Variants in LCN15 observed in about 807,000 individuals in gnomAD.
LCN15 encodes the protein lipocalin-15.
In LCN15, 26 loss-of-function variants were observed where a neutral mutation model predicts 23.1. The ratio of observed to expected loss-of-function variants is 1.13; its 90% CI spans 0.82 to 1.56. The LOEUF (loss-of-function observed/expected upper bound fraction) is 1.56, where lower values mean the gene tolerates loss of function less well. Among genes scored for constraint, LCN15 ranks in the 40% most tolerant of loss-of-function variants. The pLI, the probability that LCN15 is intolerant of heterozygous loss-of-function variation, is 0.00. For missense variants in LCN15, 241 were observed against 239.5 expected, an observed-to-expected ratio of 1.01 and a Z score of -0.04; for synonymous variants, 107 against 98.3, an observed-to-expected ratio of 1.09 and a Z score of -0.52.
rs1271550265 is a variant in LCN15 at position 136,761,405 on chromosome 9, T to C, written c.*32+382A>G. On this transcript the variant is annotated intron_variant, in intron 6 of 6. Transcript: ENST00000316144. The surrounding 1 kb of genome is among the most constrained non-coding windows in gnomAD (Gnocchi z 4.2). Reference sequence around the variant, plus strand: ...CCTCACAAGTAGCTGAGATTACAGGTGTGCACCACCACGCCCAGCTAAGTT... The same window carrying C: ...CCTCACAAGTAGCTGAGATTACAGGCGTGCACCACCACGCCCAGCTAAGTT... Among the ~76,000 whole-genome samples, 1 of 152,124 alleles carries C rather than the reference T, an allele frequency of 6.6e-6. No individual in the cohort carries two copies. Among genetic ancestry groups the C allele is most frequent in the Non-Finnish European group, 1.5e-5 (1 of 68,002 alleles).
intron 4 of LCN15, among the ~76,000 whole-genome samples, chr9:136,763,133 G>A (rs897515109): frequency 1.3e-5 from 2 of 151,508 alleles, no homozygotes; most frequent in Non-Finnish European, 2.9e-5. Flanking sequence ...TGTGCGAAGG[G>A]TCACAGCAGG....
chr9:136,763,780 C>T lies in LCN15; in HGVS notation c.240G>A (p.Ala80=), dbSNP rs149427970. 6.6e-5 allele frequency: 107 copies of T among 1,613,470 alleles called. No individual in the cohort carries two copies. The African/African-American group carries it at 1.0e-3, about 15-fold the overall frequency. ...CGGCATCCACCTGGTTACAGCCGTC[C>T]GCCCTGGGGGTGCACAGCCGGCTCA... is the stretch of plus-strand genomic sequence containing the variant. ...GLHVHMEFPG[A]DGCNQVDAEY... Residue 80 remains alanine, a synonymous_variant, in exon 3 of 7, where the codon GCG becomes GCA. Transcript: ENST00000316144.
chr9:136,763,776 C>T lies in LCN15; in HGVS notation c.244G>A (p.Gly82Ser). ...HVHMEFPGADGCNQVDAEYLK... is the reference protein window; with the variant it reads ...HVHMEFPGADSCNQVDAEYLK... Reference sequence around the variant, plus strand: ...TACTCGGCATCCACCTGGTTACAGCCGTCCGCCCTGGGGGTGCACAGCCGG... The same window carrying T: ...TACTCGGCATCCACCTGGTTACAGCTGTCCGCCCTGGGGGTGCACAGCCGG... Residue 82 changes from glycine to serine, a missense_variant, in exon 3 of 7, where the codon GGC (glycine) becomes AGC (serine). Transcript: ENST00000316144. 2.5e-6 allele frequency: 4 copies of T among 1,613,492 alleles called. No homozygotes were observed. Among genetic ancestry groups the T allele is most frequent in the Non-Finnish European group, 3.4e-6 (4 of 1,179,994 alleles).
Position 136,761,152 on chromosome 9 carries a change from G to C in LCN15, c.*32+635C>G, listed in dbSNP as rs1014196555. Among the ~76,000 whole-genome samples the C allele has an allele frequency of 1.3e-5, 2 of 152,192 alleles. No homozygotes were observed. Among genetic ancestry groups the C allele is most frequent in the African/African-American group, 4.8e-5 (2 of 41,426 alleles). On this transcript the variant is annotated intron_variant, in intron 6 of 6. Coordinates refer to ENST00000316144, the MANE Select transcript of LCN15 (RefSeq NM_203347.2). The surrounding 1 kb of genome is among the most constrained non-coding windows in gnomAD (Gnocchi z 4.2). ...AAGCGGCAGCCGTGGGAGCTGGGGGGGCGGTGTGGGAGGGAGTCTCCTTCA... is the reference window on the plus strand; with the variant it reads ...AAGCGGCAGCCGTGGGAGCTGGGGGCGCGGTGTGGGAGGGAGTCTCCTTCA...
intron 6 of LCN15, among the ~76,000 whole-genome samples, chr9:136,760,030 C>T (rs1175049866): frequency 1.3e-5 from 2 of 152,252 alleles, no homozygotes; most frequent in African/African-American, 4.8e-5. Flanking sequence ...CGGGAGGACC[C>T]AGTGCCATGC....
At chr9:136,760,317 G>A (rs1370850980) in intron 6 of LCN15, among the ~76,000 whole-genome samples, 3 of 152,238 alleles carry the variant, frequency 2.0e-5, no homozygotes, top group African/African-American at 4.8e-5. Flanking sequence ...GGGGTGTGCA[G>A]GGAGACGTTG....
chr9:136,763,393 G>T lies in LCN15; in HGVS notation c.382C>A (p.Leu128Met), dbSNP rs1360627490. 2 of 1,606,460 alleles carry T rather than the reference G, an allele frequency of 1.2e-6. No homozygotes were observed. The highest frequency in any genetic ancestry group is 2.7e-5 in the African/African-American group (2 of 74,932). Residue 128 changes from leucine to methionine, a missense_variant, in exon 4 of 7, where the codon CTG becomes ATG. Leu to Met is a conservative substitution (Grantham distance 15). Coordinates refer to ENST00000316144, the MANE Select transcript of LCN15 (RefSeq NM_203347.2). The stretch of plus-strand genomic sequence containing the variant: ...ACCATGGTGCTGAGGGCCCCCTCCA[G>T]CTCCTTGTAGATGTAAAGGACGGCG... Reference protein sequence around the residue: ...SFAVLYIYKELEGALSTMVQL... With the variant: ...SFAVLYIYKEMEGALSTMVQL...
chr9:136,763,451 G>A lies in LCN15; in HGVS notation c.324C>T (p.Asp108=), dbSNP rs1564336276. 2.5e-6 allele frequency: 4 copies of A among 1,607,908 alleles called. No individual in the cohort carries two copies. The highest frequency in any genetic ancestry group is 1.1e-5 in the South Asian group (1 of 90,588). Residue 108 remains aspartate (D), a synonymous_variant, in exon 4 of 7, where the codon GAC becomes GAT. Transcript: ENST00000316144. ...HFRVPALGYL[D]VRIVDTDYSS... is the part of the protein sequence containing the mutation. ...TGTAGTCTGTGTCCACGATGCGCACGTCCAGGTAGCCCAAGGCTGCGGAGA... is the reference window on the plus strand; with the variant it reads ...TGTAGTCTGTGTCCACGATGCGCACATCCAGGTAGCCCAAGGCTGCGGAGA...
At chr9:136,763,585 G>T in intron 3 of LCN15, 118 bp from the exon 4 acceptor site, 1 of 1,234,044 alleles carries the variant, frequency 8.1e-7, no homozygotes, top group Non-Finnish European at 1.1e-6. Context: ...ACAGAGGAGG[G>T]GCGGGGAGGG....
At chr9:136,762,645 G>T (rs1001361012) in intron 4 of LCN15, among the ~76,000 whole-genome samples, 1 of 152,074 alleles carries the variant, frequency 6.6e-6, no homozygotes, top group Non-Finnish European at 1.5e-5. Context: ...CTCACGCCTG[G>T]AATCCCAGCA....
chr9:136,763,256 G>A (rs532649133), intron 4 of LCN15, 101 bp downstream of exon 4: 12 of 655,366 alleles, frequency 1.8e-5, no homozygotes, highest in East Asian at 2.9e-5. Flanking sequence ...GTGAGGAGGC[G>A]CGGGGCGGCA....
chr9:136,763,674 G>C, intron 3 of LCN15, 39 bp downstream of exon 3: 4 of 1,602,614 alleles, frequency 2.5e-6, no homozygotes, highest in Non-Finnish European at 3.4e-6. Context: ...CAGAGAAGCG[G>C]CATCCAGCAC....
rs1480948474 is a variant in LCN15 at position 136,761,696 on chromosome 9, G to A, written c.*32+91C>T. 1 of 539,272 alleles carries A rather than the reference G, an allele frequency of 1.9e-6. No homozygotes were observed. Among genetic ancestry groups the A allele is most frequent in the Non-Finnish European group, 2.8e-6 (1 of 351,580 alleles). 33.4% of individuals were successfully genotyped at this position (539,272 alleles called of 1,614,324 possible). A position where few individuals can be genotyped will look rare whatever the true frequency, so the allele number is the denominator to read the frequency against. ...TGGGGTCGCCAGGCAGAACAGCGGG[G>A]CAGGCATGGGGCAGACAGAACCAGA... On this transcript the variant is annotated intron_variant, in intron 6 of 6. Transcript: ENST00000316144. The surrounding 1 kb of genome is among the most constrained non-coding windows in gnomAD (Gnocchi z 4.2).
At chr9:136,762,152 TGG>T in intron 5 of LCN15, 34 bp downstream of exon 5, 1 of 1,022,488 alleles carries the variant, frequency 9.8e-7, no homozygotes, top group Non-Finnish European at 1.3e-6. Context: ...AGGGAGAGGC[TGG>T]GGGGCATGGG....
At chr9:136,763,045 C>T (rs1440450918) in intron 4 of LCN15, among the ~76,000 whole-genome samples, 3 of 151,628 alleles carry the variant, frequency 2.0e-5, no homozygotes, top group Non-Finnish European at 4.4e-5. Context: ...GGGACCCTCC[C>T]CCAAGCCAAC....
chr9:136,763,833 C>T (rs765005886), intron 2 of LCN15, 37 bp downstream of exon 2: 35 of 1,613,036 alleles, frequency 2.2e-5, no homozygotes, highest in Non-Finnish European at 2.6e-5. Context: ...CCTCAGCTCC[C>T]CAGCCCAGCC....
intron 4 of LCN15, among the ~76,000 whole-genome samples, chr9:136,762,523 C>G (rs1354134808): frequency 1.3e-5 from 2 of 152,180 alleles, no homozygotes; most frequent in South Asian, 2.1e-4. Context: ...CTGGGCCCCA[C>G]TACCCCTTGA....
rs1228283078 is a variant in LCN15 at position 136,761,408 on chromosome 9, G to C, written c.*32+379C>G. Among the ~76,000 whole-genome samples, 1 of 152,184 alleles carries C rather than the reference G, an allele frequency of 6.6e-6. No individual in the cohort carries two copies. Among genetic ancestry groups the C allele is most frequent in the Non-Finnish European group, 1.5e-5 (1 of 68,028 alleles). On this transcript the variant is annotated intron_variant, in intron 6 of 6. Transcript: ENST00000316144. This position sits in a 1 kb window ranked among gnomAD's most constrained non-coding sequence, Gnocchi z 4.2. Reference sequence around the variant, plus strand: ...CACAAGTAGCTGAGATTACAGGTGTGCACCACCACGCCCAGCTAAGTTTTG... The same window carrying C: ...CACAAGTAGCTGAGATTACAGGTGTCCACCACCACGCCCAGCTAAGTTTTG...
intron 4 of LCN15, among the ~76,000 whole-genome samples, chr9:136,762,815 C>CG (rs991367872): frequency 4.0e-5 from 6 of 150,580 alleles, no homozygotes; most frequent in Admixed American, 2.0e-4. Context: ...CCCAGCTTAT[C>CG]GGGGGGCTGA....
Sources: gnomAD v4.1 joint callset for allele counts (sites outside exome capture counted in the v4.1 genomes callset) on GRCh38, gnomAD v4.1.1 for gene constraint, Gnocchi (gnomAD v3.1) non-coding constraint, MANE v1.5 for transcripts, NCBI Gene and HGNC (gene_info 2026-07-23, HGNC 2026-07-21) for gene names.